The following DPF3 variants were observed in gnomAD, a reference collection of about 807,000 sequenced individuals.
The protein encoded by DPF3 is double PHD fingers 3, also known as zinc finger protein DPF3.
DPF3 carries 18 observed loss-of-function variants against 56.8 expected under a neutral mutation model. That is an observed-to-expected ratio of 0.32 (90% CI 0.22 to 0.47). The LOEUF (loss-of-function observed/expected upper bound fraction) is 0.47. Ranked by LOEUF, DPF3 falls within the 20% of genes least tolerant of loss-of-function variation. The probability of loss-of-function intolerance (pLI) is 1.00; values close to 1 mark genes in which losing one functional copy is unlikely to be tolerated. For synonymous variants in DPF3, 188 were observed against 180.2 expected, an observed-to-expected ratio of 1.04 and a Z score of -0.35; for missense variants, 403 against 488.8, an observed-to-expected ratio of 0.82 and a Z score of 1.65.
chr14:72,614,610 T>C lies in DPF3; in HGVS notation c.*4687A>G, dbSNP rs896942830. Among the ~76,000 whole-genome samples the C allele has an allele frequency of 6.6e-6, 1 of 151,992 alleles. No individual in the cohort carries two copies. The highest frequency in any genetic ancestry group is 2.4e-5 in the African/African-American group (1 of 41,374). ...TCCCTCACTGCCTTCTCTCCCCAGC[T>C]GGGTGAGGGGCTTACTTTGCCCTCA... On this transcript the variant is annotated 3_prime_UTR_variant, in exon 11 of 11. Transcript: ENST00000556509.
chr14:72,849,983 G>A (rs1360344142), intron 1 of DPF3, among the ~76,000 whole-genome samples: 1 of 152,036 alleles, frequency 6.6e-6, no homozygotes, highest in Non-Finnish European at 1.5e-5. Context: ...GCCAGGCATG[G>A]TGTCATATGC....
chr14:72,783,442 G>A (rs769828791), intron 1 of DPF3, among the ~76,000 whole-genome samples: 22 of 152,230 alleles, frequency 1.4e-4, no homozygotes, highest in African/African-American at 3.1e-4. Context: ...GAATGATACC[G>A]AATCCTGGCC....
rs1245316916 is a variant in DPF3, at chr14:72,612,629, A to G, written c.*6668T>C. ...AGGGCAGGAGGAGAATCAGGGTCTC[A>G]GTGGGGAGTAGACATGGAAGGGCAA... On this transcript the variant is annotated 3_prime_UTR_variant, in exon 11 of 11. Transcript: ENST00000556509. 1 of 518,876 alleles carries G rather than the reference A, an allele frequency of 1.9e-6. No individual in the cohort carries two copies. Among genetic ancestry groups the G allele is most frequent in the Non-Finnish European group, 3.8e-6 (1 of 259,808 alleles). The allele number at this position is 518,876 out of a possible 1,614,324, so 32.1% of individuals were successfully genotyped here.
At position 72,617,881 on chromosome 14, in the gene DPF3, C is replaced by T. The variant is rs1230171512; in HGVS notation, c.*1416G>A. 6.6e-6 allele frequency among the ~76,000 whole-genome samples: 1 copy of T among 151,496 alleles called. No homozygotes were observed. Among genetic ancestry groups the T allele is most frequent in the Non-Finnish European group, 1.5e-5 (1 of 67,840 alleles). ...TGATTTCAGAGAAGCCAAGCATGCG[C>T]GAGGGTTCCGCTCACCGAGACCTGC... On this transcript the variant is annotated 3_prime_UTR_variant, in exon 11 of 11. Coordinates refer to ENST00000556509, the MANE Select transcript of DPF3 (RefSeq NM_001280542.3).
At chr14:72,869,649 A>C (rs1295823336) in intron 1 of DPF3, among the ~76,000 whole-genome samples, 1 of 152,124 alleles carries the variant, frequency 6.6e-6, no homozygotes, top group African/African-American at 2.4e-5. Flanking sequence ...GACAATGAGA[A>C]GGTGGCTTAC....
chr14:72,796,659 T>C (rs1364805746), intron 1 of DPF3, among the ~76,000 whole-genome samples: 2 of 152,206 alleles, frequency 1.3e-5, no homozygotes, highest in African/African-American at 4.8e-5. Context: ...CATTAATTCA[T>C]TGAATCCTAA....
At chr14:72,789,705 C>CT (rs1242751973) in intron 1 of DPF3, among the ~76,000 whole-genome samples, 3 of 151,632 alleles carry the variant, frequency 2.0e-5, no homozygotes, top group Non-Finnish European at 4.4e-5. Context: ...ATTTTTTTTT[C>CT]TTTTTTTAAG....
intron 3 of DPF3, among the ~76,000 whole-genome samples, chr14:72,750,552 T>C (rs1250331198): frequency 1.3e-5 from 2 of 152,110 alleles, no homozygotes; most frequent in African/African-American, 2.4e-5. Context: ...ACTGGTTAAA[T>C]TGGAAAATTT....
At chr14:72,722,518 T>C (rs931022707) in intron 5 of DPF3, among the ~76,000 whole-genome samples, 1 of 152,304 alleles carries the variant, frequency 6.6e-6, no homozygotes, top group Non-Finnish European at 1.5e-5. Flanking sequence ...CTCTCAGTGA[T>C]CCTAATGTCT....
At chr14:72,863,627 G>A (rs1474599386) in intron 1 of DPF3, among the ~76,000 whole-genome samples, 1 of 151,090 alleles carries the variant, frequency 6.6e-6, no homozygotes, top group East Asian at 1.9e-4. Flanking sequence ...CCTATATAGA[G>A]TGGTCTGGTA....
chr14:72,740,345 G>T (rs1018812545), intron 3 of DPF3, among the ~76,000 whole-genome samples: 3 of 152,244 alleles, frequency 2.0e-5, no homozygotes, highest in Admixed American at 6.5e-5. Context: ...AATAAGTGAA[G>T]GGGGTCGGAG....
At chr14:72,700,365 G>A (rs567622518) in intron 6 of DPF3, among the ~76,000 whole-genome samples, 1 of 152,224 alleles carries the variant, frequency 6.6e-6, no homozygotes, top group Admixed American at 6.5e-5. Context: ...TTGAACAAGG[G>A]CCCCCGCATT....
At chr14:72,757,707 A>T (rs1422358230) in intron 2 of DPF3, among the ~76,000 whole-genome samples, 1 of 152,164 alleles carries the variant, frequency 6.6e-6, no homozygotes, top group Non-Finnish European at 1.5e-5. Flanking sequence ...CAATCTAGAA[A>T]TGATTTAAGG....
At chr14:72,716,005 T>C (rs1888909415) in intron 5 of DPF3, among the ~76,000 whole-genome samples, 1 of 151,020 alleles carries the variant, frequency 6.6e-6, no homozygotes, top group African/African-American at 2.4e-5. Context: ...TCAGCTGCCC[T>C]CCCCCTCCAC....
chr14:72,892,032 G>A (rs1886771896), intron 1 of DPF3: 2 of 1,264,410 alleles, frequency 1.6e-6, no homozygotes, highest in African/African-American at 3.0e-5. Flanking sequence ...ACCCTACTGT[G>A]ATCCAAAAAA....
chr14:72,758,694 C>T (rs1406311355), intron 2 of DPF3, among the ~76,000 whole-genome samples: 4 of 152,068 alleles, frequency 2.6e-5, no homozygotes, highest in African/African-American at 4.8e-5. Context: ...GTATGATTCC[C>T]GGGGTACTGG....
intron 8 of DPF3, among the ~76,000 whole-genome samples, chr14:72,651,066 A>G (rs540330100): frequency 3.9e-5 from 6 of 152,350 alleles, no homozygotes; most frequent in African/African-American, 1.2e-4. Context: ...TAGACACAGA[A>G]GGAAACCAAG....
At chr14:72,714,995 AG>A (rs1247775670) in intron 5 of DPF3, among the ~76,000 whole-genome samples, 7 of 152,172 alleles carry the variant, frequency 4.6e-5, no homozygotes, top group Middle Eastern at 3.2e-3. Flanking sequence ...GACGGGGGCA[AG>A]GCTAGGCTTC....
At chr14:72,804,886 G>A (rs1882676972) in intron 1 of DPF3, among the ~76,000 whole-genome samples, 1 of 152,196 alleles carries the variant, frequency 6.6e-6, no homozygotes, top group African/African-American at 2.4e-5. Flanking sequence ...TTATATCACA[G>A]CCACTAACTA....
Sources: allele counts gnomAD v4.1 joint callset (sites outside exome capture counted in the v4.1 genomes callset), GRCh38; gene constraint gnomAD v4.1.1; transcripts MANE v1.5; gene names NCBI Gene and HGNC (gene_info 2026-07-23, HGNC 2026-07-21).